The following B3GALNT2 variants were observed in gnomAD, a reference collection of about 807,000 sequenced individuals.
B3GALNT2 encodes the protein UDP-GalNAc:beta-1,3-N-acetylgalactosaminyltransferase 2.
Under a neutral mutation model 61.1 loss-of-function variants are expected in B3GALNT2, and 53 were observed. The ratio of observed to expected loss-of-function variants is 0.87; its 90% CI spans 0.70 to 1.09. The LOEUF (loss-of-function observed/expected upper bound fraction) is 1.09. Ranked by LOEUF, B3GALNT2 falls within the 50% of genes least tolerant of loss-of-function variation. B3GALNT2 has a pLI of 0.00. For synonymous variants in B3GALNT2, 223 were observed against 237.4 expected (o/e 0.94, Z 0.56); for missense variants, 544 against 623.0 (o/e 0.87, Z 1.35).
chr1:235,452,984 TA>T (rs1053687073), intron 11 of B3GALNT2, 105 bp downstream of exon 11: 41 of 996,628 alleles, frequency 4.1e-5, no homozygotes, highest in Admixed American at 3.3e-4. Flanking sequence ...TCTGAAATCC[TA>T]AATACTTCTG....
intron 5 of B3GALNT2, among the ~76,000 whole-genome samples, chr1:235,472,710 T>C (rs533546213): frequency 6.6e-6 from 1 of 152,298 alleles, no homozygotes; most frequent in East Asian, 1.9e-4. Context: ...GACTATAGTA[T>C]AGAGGATTAA....
In B3GALNT2 at chr1:235,482,291, G is replaced by T. The variant is rs186558045; in HGVS notation, c.555+2031C>A. Among the ~76,000 whole-genome samples, 905 of 152,124 alleles carry T rather than the reference G, an allele frequency of 5.9e-3. 3 individuals are homozygous for T. The highest frequency in any genetic ancestry group is 7.8e-3 in the Admixed American group (119 of 15,280). ...CTTTGTCTGAGGATACAACTCTAGG[G>T]TAACTAGAAATTTGAATGAAAATCT... On this transcript the variant is annotated intron_variant, in intron 4 of 11. Coordinates refer to ENST00000366600, the MANE Select transcript of B3GALNT2 (RefSeq NM_152490.5).
intron 4 of B3GALNT2, among the ~76,000 whole-genome samples, chr1:235,482,744 T>C (rs980244327): frequency 3.9e-5 from 6 of 152,122 alleles, no homozygotes; most frequent in Non-Finnish European, 8.8e-5. Flanking sequence ...GGCGGATAGC[T>C]TGAGCCCAGG....
intron 7 of B3GALNT2, among the ~76,000 whole-genome samples, chr1:235,459,795 C>CT (rs560828844): frequency 1.3e-5 from 2 of 151,620 alleles, no homozygotes; most frequent in African/African-American, 4.8e-5. Context: ...ACAATGTTTT[C>CT]TTTTTTTTCT....
intron 1 of B3GALNT2, among the ~76,000 whole-genome samples, chr1:235,499,685 T>C (rs1166050852): frequency 3.3e-5 from 5 of 152,188 alleles, no homozygotes; most frequent in Admixed American, 2.0e-4. Context: ...ATTTCTGTGC[T>C]TAGGTTTAAC....
At chr1:235,493,543 C>T (rs1456570545) in intron 2 of B3GALNT2, among the ~76,000 whole-genome samples, 2 of 151,838 alleles carry the variant, frequency 1.3e-5, no homozygotes, top group Non-Finnish European at 2.9e-5. Flanking sequence ...TTTGGGAGGC[C>T]GAGGCAAGCA....
chr1:235,480,972 G>A (rs1439032125), intron 4 of B3GALNT2, among the ~76,000 whole-genome samples: 3 of 130,342 alleles, frequency 2.3e-5, no homozygotes, highest in African/African-American at 5.8e-5. Flanking sequence ...TATGTCTATC[G>A]TTTTCTTGGG....
chr1:235,504,006 C>CGTTAA, intron 1 of B3GALNT2, 135 bp downstream of exon 1: 3 of 973,142 alleles, frequency 3.1e-6, no homozygotes, highest in Non-Finnish European at 3.9e-6. Context: ...ATGAAAAGAG[C>CGTTAA]CGTTTGTTTC....
downstream of B3GALNT2, among the ~76,000 whole-genome samples, chr1:235,445,187 A>G (rs1470803072): frequency 6.6e-6 from 1 of 152,272 alleles, no homozygotes. Context: ...AGCAGATTAC[A>G]AGGGTTCCTT....
rs111689826 is a variant in B3GALNT2 at position 235,476,411 on chromosome 1, T to TAAACAAAC, written c.651+3635_651+3642dup. 4.7e-5 allele frequency among the ~76,000 whole-genome samples: 7 copies of TAAACAAAC among 148,074 alleles called. No individual in the cohort carries two copies. The South Asian group carries it at 6.5e-4, about 14-fold the overall frequency. On this transcript the variant is annotated intron_variant, in intron 5 of 11. Transcript: ENST00000366600. The stretch of plus-strand genomic sequence containing the variant: ...GGGTGACAGAGCGAGACTCCGTTTC[T>TAAACAAAC]AAACAAACAAACAAACAAACAAACT...
chr1:235,450,455 G>A (rs1016833904), intron 11 of B3GALNT2, 115 bp from the exon 12 acceptor site: 2 of 1,306,420 alleles, frequency 1.5e-6, no homozygotes, highest in African/African-American at 1.5e-5. Flanking sequence ...TTATTTCAAG[G>A]ATAACTCCGT....
chr1:235,455,803 T>C, intron 8 of B3GALNT2, 119 bp from the exon 9 acceptor site: 1 of 1,259,264 alleles, frequency 7.9e-7, no homozygotes, highest in East Asian at 2.5e-5. Context: ...TTCTTATTCC[T>C]CAAATGTTGA....
downstream of B3GALNT2, among the ~76,000 whole-genome samples, chr1:235,444,962 C>T (rs1343370772): frequency 6.6e-6 from 1 of 152,250 alleles, no homozygotes; most frequent in Non-Finnish European, 1.5e-5. Context: ...TGCCGCCTTA[C>T]CCTTCTCTAC....
chr1:235,457,832 C>T (rs542144073), intron 8 of B3GALNT2, among the ~76,000 whole-genome samples: 2 of 151,882 alleles, frequency 1.3e-5, no homozygotes, highest in African/African-American at 4.8e-5. Flanking sequence ...TTCCCAAACT[C>T]ACTGATTTTT....
At chr1:235,455,531 G>A (rs1572485082) in intron 9 of B3GALNT2, 28 bp downstream of exon 9, 1 of 1,604,552 alleles carries the variant, frequency 6.2e-7, no homozygotes, top group African/African-American at 1.3e-5. Context: ...GTACACGAAT[G>A]CCAATGGGCT....
chr1:235,500,608 G>C (rs533493285), intron 1 of B3GALNT2, among the ~76,000 whole-genome samples: 2 of 152,260 alleles, frequency 1.3e-5, no homozygotes, highest in African/African-American at 4.8e-5. Flanking sequence ...GTCACAAATA[G>C]ATACAAATCT....
chr1:235,446,466 T>A (rs935955138), downstream of B3GALNT2, among the ~76,000 whole-genome samples: 3 of 151,910 alleles, frequency 2.0e-5, no homozygotes, highest in Admixed American at 6.6e-5. Context: ...CGTGAGCCAC[T>A]GCGCCTGGCT....
Position 235,458,682 on chromosome 1 carries a change from T to C in B3GALNT2, c.946A>G (p.Ile316Val), listed in dbSNP as rs1683278350. The C allele has an allele frequency of 2.5e-6, 4 of 1,613,412 alleles. No individual in the cohort carries two copies. The highest frequency in any genetic ancestry group is 2.2e-5 in the East Asian group (1 of 44,850). ...EDALLKEESS[I>V]YDDIVFVDVV... ...TCCACAAAAACAATATCATCATAGA[T>C]GCTGCTTTCCTCCTTCAGTAAGGCA... Residue 316 changes from isoleucine to valine, a missense_variant, in exon 8 of 12, where the codon ATC becomes GTC. Ile to Val is a conservative substitution (Grantham distance 29). Transcript: ENST00000366600.
intron 10 of B3GALNT2, among the ~76,000 whole-genome samples, chr1:235,453,548 G>A (rs1023734781): frequency 2.6e-5 from 4 of 151,810 alleles, no homozygotes; most frequent in African/African-American, 4.8e-5. Flanking sequence ...CTCCGCCTCC[G>A]GGTTCACATG....
Sources: allele counts gnomAD v4.1 joint callset (sites outside exome capture counted in the v4.1 genomes callset), GRCh38; gene constraint gnomAD v4.1.1; transcripts MANE v1.5; gene names NCBI Gene and HGNC (gene_info 2026-07-23, HGNC 2026-07-21).